The following APBB2 variants were observed in gnomAD, a reference collection of about 807,000 sequenced individuals.
APBB2 encodes the protein amyloid beta precursor protein binding family B member 2, also known as Fe65-like 1.
In APBB2, 38 loss-of-function variants were observed where a neutral mutation model predicts 82.5. The ratio of observed to expected loss-of-function variants is 0.46; its 90% CI spans 0.36 to 0.60. The LOEUF (loss-of-function observed/expected upper bound fraction) is 0.60. Among genes scored for constraint, APBB2 ranks in the 20% least tolerant of loss-of-function variants. The pLI, the probability that APBB2 is intolerant of heterozygous loss-of-function variation, is 0.00. For synonymous variants in APBB2, 341 were observed against 368.2 expected, an observed-to-expected ratio of 0.93 and a Z score of 0.85; for missense variants, 772 against 972.3, an observed-to-expected ratio of 0.79 and a Z score of 2.74.
At chr4:40,889,160 CA>C (rs1282218236) in intron 12 of APBB2, among the ~76,000 whole-genome samples, 4 of 152,238 alleles carry the variant, frequency 2.6e-5, no homozygotes, top group African/African-American at 9.6e-5. Context: ...ACTGTGCTCC[CA>C]GGAAGGCTTA....
intron 6 of APBB2, among the ~76,000 whole-genome samples, chr4:40,948,978 T>C (rs1789290048): frequency 6.6e-6 from 1 of 151,694 alleles, no homozygotes; most frequent in South Asian, 2.1e-4. Context: ...TTTTCAACTG[T>C]TATCAAACTG....
intron 6 of APBB2, among the ~76,000 whole-genome samples, chr4:40,960,553 T>C (rs1792891982): frequency 6.7e-6 from 1 of 148,790 alleles, no homozygotes; most frequent in African/African-American, 2.5e-5. Flanking sequence ...GTTCACGCCA[T>C]TCTCCTGCCT....
At chr4:41,024,025 G>A (rs1579326087) in intron 5 of APBB2, among the ~76,000 whole-genome samples, 1 of 152,214 alleles carries the variant, frequency 6.6e-6, no homozygotes, top group East Asian at 1.9e-4. Flanking sequence ...CAGAAATAAA[G>A]CCATACATCT....
At chr4:41,068,375 T>C (rs890757395) in intron 3 of APBB2, among the ~76,000 whole-genome samples, 14 of 152,090 alleles carry the variant, frequency 9.2e-5, no homozygotes, top group African/African-American at 3.4e-4. Context: ...GAAAGATAAA[T>C]CTGGCTATAG....
At chr4:41,167,660 C>A (rs986932801) in intron 1 of APBB2, among the ~76,000 whole-genome samples, 6 of 152,230 alleles carry the variant, frequency 3.9e-5, no homozygotes, top group Admixed American at 2.0e-4. Flanking sequence ...CAGAGAGCCA[C>A]CAGCCCCCAT....
intron 1 of APBB2, among the ~76,000 whole-genome samples, chr4:41,159,575 C>T (rs1376446760): frequency 2.6e-5 from 4 of 152,126 alleles, no homozygotes; most frequent in East Asian, 1.9e-4. Context: ...TTATATCTAA[C>T]CTTTTCAACT....
At chr4:40,994,489 T>C (rs1284643195) in intron 6 of APBB2, among the ~76,000 whole-genome samples, 1 of 151,912 alleles carries the variant, frequency 6.6e-6, no homozygotes, top group Admixed American at 6.6e-5. Flanking sequence ...CCAAACATAG[T>C]ATGACTTATC....
At chr4:41,114,785 AAGG>A (rs1750408379) in intron 2 of APBB2, among the ~76,000 whole-genome samples, 1 of 152,330 alleles carries the variant, frequency 6.6e-6, no homozygotes, top group South Asian at 2.1e-4. Context: ...GGACCCCTTC[AAGG>A]AGAACTACAA....
intron 1 of APBB2, among the ~76,000 whole-genome samples, chr4:41,201,045 A>T (rs1404509465): frequency 6.6e-6 from 1 of 152,198 alleles, no homozygotes; most frequent in Non-Finnish European, 1.5e-5. Context: ...TACCTCTTAG[A>T]AGTACAGCAT....
intron 2 of APBB2, among the ~76,000 whole-genome samples, chr4:41,117,723 C>T (rs551521209): frequency 2.6e-5 from 4 of 152,264 alleles, no homozygotes; most frequent in Middle Eastern, 3.4e-3. Context: ...CTTCCAAATT[C>T]CTAAGCGCTA....
intron 7 of APBB2, among the ~76,000 whole-genome samples, chr4:40,942,646 T>C (rs1268034800): frequency 2.0e-5 from 3 of 151,514 alleles, no homozygotes; most frequent in Non-Finnish European, 4.4e-5. Context: ...AGCGGGGCTG[T>C]TGGGGGGGAA....
Position 40,825,809 on chromosome 4 carries a change from A to G in APBB2, c.1816+78T>C. On this transcript the variant is annotated intron_variant, in intron 15 of 17. Transcript: ENST00000508593. The stretch of plus-strand genomic sequence containing the variant: ...GGCGTGAGAGTAAACAGCAGACCTC[A>G]CCCTCCTCGGAGGGCGAACGCCTCC... 2.8e-6 allele frequency: 3 copies of G among 1,068,580 alleles called. No individual in the cohort carries two copies. The South Asian group carries it at 3.8e-5, about 13-fold the overall frequency. The allele number at this position is 1,068,580 out of a possible 1,614,324, so 66.2% of individuals were successfully genotyped here. A position where few individuals can be genotyped will look rare whatever the true frequency, so the allele number is the denominator to read the frequency against.
At chr4:41,027,364 CATATATATATATATATAT>C (rs36224955) in intron 5 of APBB2, among the ~76,000 whole-genome samples, 5,247 of 127,468 alleles carry the variant, frequency 0.041, 405 homozygotes, top group African/African-American at 0.14. Context: ...CATATTGTTA[CATATATATATATATATAT>C]ATATATATAT....
chr4:40,895,728 T>A (rs533408495), intron 10 of APBB2, among the ~76,000 whole-genome samples: 1 of 152,284 alleles, frequency 6.6e-6, no homozygotes, highest in Non-Finnish European at 1.5e-5. Flanking sequence ...CCCTAGTCAG[T>A]AAAATCACAG....
At chr4:41,033,172 T>C in intron 5 of APBB2, 64 bp downstream of exon 5, 2 of 1,027,598 alleles carry the variant, frequency 1.9e-6, no homozygotes, top group South Asian at 1.4e-5. Flanking sequence ...TTAAACATTA[T>C]CTTTTTTTAA....
chr4:41,147,481 C>CTT (rs558746840), intron 1 of APBB2, among the ~76,000 whole-genome samples: 17,095 of 102,862 alleles, frequency 0.17, 1,809 homozygotes, highest in Non-Finnish European at 0.19. Context: ...GTTTGGCCAG[C>CTT]TTTTTTTTTT....
At chr4:41,057,508 GT>G (rs564260304) in intron 4 of APBB2, among the ~76,000 whole-genome samples, 63 of 152,280 alleles carry the variant, frequency 4.1e-4, no homozygotes, top group South Asian at 2.1e-3. Flanking sequence ...CTTTTTCTTA[GT>G]ATATATTCAT....
intron 6 of APBB2, among the ~76,000 whole-genome samples, chr4:40,966,880 G>T (rs4861343): frequency 0.2 from 30,992 of 152,114 alleles, 3,408 homozygotes; most frequent in Middle Eastern, 0.23. Context: ...GGCAGAAAGG[G>T]TCAGGTCCAC....
At chr4:40,975,311 T>C (rs978289433) in intron 6 of APBB2, among the ~76,000 whole-genome samples, 4 of 152,206 alleles carry the variant, frequency 2.6e-5, no homozygotes, top group Non-Finnish European at 4.4e-5. Flanking sequence ...TTCCAGTATA[T>C]GGACAACAGG....
Sources: gnomAD v4.1 joint callset for allele counts (sites outside exome capture counted in the v4.1 genomes callset) on GRCh38, gnomAD v4.1.1 for gene constraint, MANE v1.5 for transcripts, NCBI Gene and HGNC (gene_info 2026-07-23, HGNC 2026-07-21) for gene names.